RNF212B: variants seen among roughly 807,000 people sequenced by gnomAD.
RNF212B encodes the protein E3 ubiquitin-protein ligase RNF212B.
In RNF212B, 52 loss-of-function variants were observed where a neutral mutation model predicts 55.5. The observed-to-expected ratio is 0.94, with a 90% CI of 0.75 to 1.18. The LOEUF is 1.18. RNF212B is among the 50% of genes most tolerant of loss of function. RNF212B has a pLI of 0.00. For synonymous variants in RNF212B, 99 were observed against 121.4 expected (o/e 0.82, Z 1.21); for missense variants, 289 against 350.4 (o/e 0.82, Z 1.40).
intron 2 of RNF212B, among the ~76,000 whole-genome samples, chr14:23,200,163 A>G (rs919749078): frequency 2.0e-5 from 3 of 152,086 alleles, no homozygotes; most frequent in Admixed American, 6.6e-5. Context: ...TGGCCAAATT[A>G]TTTGTATACA....
intron 2 of RNF212B, among the ~76,000 whole-genome samples, chr14:23,242,790 A>C (rs1883693828): frequency 6.6e-6 from 1 of 152,100 alleles, no homozygotes; most frequent in Non-Finnish European, 1.5e-5. Flanking sequence ...CTTGAGCAAC[A>C]TAGGGAGACT....
At chr14:23,210,657 A>G (rs910889387) in intron 2 of RNF212B, among the ~76,000 whole-genome samples, 22 of 151,148 alleles carry the variant, frequency 1.5e-4, no homozygotes, top group African/African-American at 4.6e-4. Flanking sequence ...TGAGCCTGTA[A>G]TCCCAGCTAC....
intron 4 of RNF212B, among the ~76,000 whole-genome samples, chr14:23,249,053 T>G (rs139180088): frequency 5.4e-4 from 83 of 152,366 alleles, no homozygotes; most frequent in African/African-American, 1.7e-3. Context: ...AAAACTTATT[T>G]ACAAAAACAG....
upstream of RNF212B, among the ~76,000 whole-genome samples, chr14:23,235,385 G>C (rs1883027963): frequency 6.6e-6 from 1 of 152,150 alleles, no homozygotes; most frequent in African/African-American, 2.4e-5. Context: ...ACTATTTATG[G>C]AATAGTTTGA....
chr14:23,223,094 A>G (rs555955140), intron 2 of RNF212B, among the ~76,000 whole-genome samples: 1 of 151,798 alleles, frequency 6.6e-6, no homozygotes, highest in South Asian at 2.1e-4. Context: ...ATTGTTCATC[A>G]TGATCAACTG....
At chr14:23,241,399 G>C (rs1484136373) in intron 2 of RNF212B, among the ~76,000 whole-genome samples, 2 of 152,098 alleles carry the variant, frequency 1.3e-5, no homozygotes, top group Non-Finnish European at 2.9e-5. Flanking sequence ...ACTTCATCCT[G>C]CAGGTGATGG....
At chr14:23,214,343 A>G (rs1880865076) in intron 2 of RNF212B, among the ~76,000 whole-genome samples, 1 of 151,968 alleles carries the variant, frequency 6.6e-6, no homozygotes, top group African/African-American at 2.4e-5. Context: ...AAAATACAAA[A>G]GTTAGCTGGG....
At position 23,253,196 on chromosome 14, in the gene RNF212B, A is replaced by C. The variant is rs1733081864; in HGVS notation, c.229-5353A>C. ...TCTTAAATATAACCACATCATGCTA[A>C]AATAACAATTCCATAATATTATCAA... is the stretch of plus-strand genomic sequence containing the variant. On this transcript the variant is annotated intron_variant, in intron 4 of 14. Coordinates refer to ENST00000430154, the MANE Select transcript of RNF212B (RefSeq NM_001282322.3). Among the ~76,000 whole-genome samples, 4 of 152,210 alleles carry C rather than the reference A, an allele frequency of 2.6e-5. No individual in the cohort carries two copies. The South Asian group carries it at 6.2e-4, about 24-fold the overall frequency.
chr14:23,196,580 C>T (rs1182090064), intron 2 of RNF212B, among the ~76,000 whole-genome samples: 2 of 152,196 alleles, frequency 1.3e-5, no homozygotes, highest in Non-Finnish European at 2.9e-5. Flanking sequence ...GCTAGGACTA[C>T]AGGGCTGCAC....
intron 1 of RNF212B, among the ~76,000 whole-genome samples, chr14:23,189,051 T>C (rs1028074172): frequency 1.3e-5 from 2 of 152,144 alleles, no homozygotes; most frequent in East Asian, 1.9e-4. Context: ...GTTTTGACTT[T>C]GAAGATTATT....
intron 1 of RNF212B, among the ~76,000 whole-genome samples, chr14:23,186,900 G>A (rs528880425): frequency 6.6e-6 from 1 of 152,296 alleles, no homozygotes; most frequent in Admixed American, 6.5e-5. Flanking sequence ...ATAGCTACTG[G>A]TCAAAGCCTC....
intron 2 of RNF212B, among the ~76,000 whole-genome samples, chr14:23,209,794 A>G (rs1436650047): frequency 2.0e-5 from 3 of 152,206 alleles, no homozygotes; most frequent in Admixed American, 6.5e-5. Flanking sequence ...AGTTAGATAT[A>G]TGGATATCAT....
At chr14:23,243,850 G>A (rs914293382) in intron 3 of RNF212B, among the ~76,000 whole-genome samples, 1 of 152,064 alleles carries the variant, frequency 6.6e-6, no homozygotes, top group African/African-American at 2.4e-5. Context: ...GCTGATGCGG[G>A]TGGATCACCT....
intron 2 of RNF212B, among the ~76,000 whole-genome samples, chr14:23,227,939 C>G (rs927536630): frequency 6.6e-6 from 1 of 150,480 alleles, no homozygotes; most frequent in African/African-American, 2.4e-5. Flanking sequence ...TTAAAAATCT[C>G]ATCAGGCAAT....
upstream of RNF212B, among the ~76,000 whole-genome samples, chr14:23,237,273 G>A (rs1249308602): frequency 6.6e-6 from 1 of 152,038 alleles, no homozygotes; most frequent in Non-Finnish European, 1.5e-5. Flanking sequence ...GAGATTACAG[G>A]TGCGTGTCGC....
intron 2 of RNF212B, among the ~76,000 whole-genome samples, chr14:23,210,145 C>T (rs898616428): frequency 6.6e-6 from 1 of 152,118 alleles, no homozygotes; most frequent in African/African-American, 2.4e-5. Context: ...GTGAGACTGT[C>T]TCAAAACACG....
At chr14:23,264,346 C>A in intron 10 of RNF212B, 112 bp downstream of exon 10, 1 of 882,392 alleles carries the variant, frequency 1.1e-6, no homozygotes, top group Non-Finnish European at 1.7e-6. Flanking sequence ...TATCTGATGT[C>A]ATACTGGACC....
intron 7 of RNF212B, chr14:23,261,394 AT>A (rs1220952844): frequency 6.6e-6 from 1 of 152,360 alleles, no homozygotes; most frequent in East Asian, 1.9e-4. Flanking sequence ...CTTTAAATAA[AT>A]TTTGCTTTTA....
chr14:23,244,289 A>G, intron 3 of RNF212B, 33 bp from the exon 4 acceptor site: 4 of 1,276,928 alleles, frequency 3.1e-6, no homozygotes, highest in Non-Finnish European at 4.3e-6. Flanking sequence ...TCAATTGTGG[A>G]TATTCTCACA....
Sources: gnomAD v4.1 joint callset for allele counts (sites outside exome capture counted in the v4.1 genomes callset) on GRCh38, gnomAD v4.1.1 for gene constraint, MANE v1.5 for transcripts, NCBI Gene and HGNC (gene_info 2026-07-23, HGNC 2026-07-21) for gene names.